Variants in RAI1 observed in about 807,000 individuals in gnomAD.
The protein encoded by RAI1 is retinoic acid-induced protein 1.
RAI1 carries 9 observed loss-of-function variants against 123.8 expected under a neutral mutation model. The ratio of observed to expected loss-of-function variants is 0.07; its 90% CI spans 0.04 to 0.13. The LOEUF (loss-of-function observed/expected upper bound fraction) is 0.13, where lower values mean the gene tolerates loss of function less well. Among genes scored for constraint, RAI1 ranks in the 10% least tolerant of loss-of-function variants. The pLI is 1.00. For missense variants in RAI1, 2,256 were observed against 2,545.8 expected, an observed-to-expected ratio of 0.89 and a Z score of 2.45; for synonymous variants, 1,231 against 1,127.3, an observed-to-expected ratio of 1.09 and a Z score of -1.84.
intron 1 of RAI1, among the ~76,000 whole-genome samples, chr17:17,687,575 T>C (rs1276395022): frequency 1.3e-5 from 2 of 151,984 alleles, no homozygotes; most frequent in African/African-American, 2.4e-5. Flanking sequence ...ACTGTGCTCA[T>C]CTGGAAGGCG....
chr17:17,785,041 A>G (rs1437584527), intron 2 of RAI1, among the ~76,000 whole-genome samples: 1 of 151,898 alleles, frequency 6.6e-6, no homozygotes, highest in African/African-American at 2.4e-5. Context: ...ACATCTCAAC[A>G]CCACCAGGGC....
intron 2 of RAI1, among the ~76,000 whole-genome samples, chr17:17,766,827 G>A (rs1433217359): frequency 6.6e-6 from 1 of 152,244 alleles, no homozygotes; most frequent in Non-Finnish European, 1.5e-5. Flanking sequence ...CTGTCTCTGA[G>A]GCCTGGGAGA....
Position 17,792,944 on chromosome 17 carries a change from G to A in RAI1, c.-5G>A, listed in dbSNP as rs369143324. ...TTTTCTTTTCACAGATAACCAGCCC[G>A]AGTCATGCAGTCTTTTCGAGAAAGG... is the stretch of plus-strand genomic sequence containing the variant. On this transcript the variant is annotated 5_prime_UTR_variant, in exon 3 of 6. Transcript: ENST00000353383. 4 of 1,152,128 alleles carry A rather than the reference G, an allele frequency of 3.5e-6. No individual in the cohort carries two copies. The highest frequency in any genetic ancestry group is 5.3e-5 in the East Asian group (1 of 18,930). The allele number at this position is 1,152,128 out of a possible 1,614,324, so 71.4% of individuals were successfully genotyped here.
intron 2 of RAI1, among the ~76,000 whole-genome samples, chr17:17,772,059 G>A (rs1270811943): frequency 1.3e-5 from 2 of 152,182 alleles, no homozygotes; most frequent in African/African-American, 4.8e-5. Flanking sequence ...TCACCTAAGG[G>A]TATTGACCCT....
At chr17:17,732,913 C>G (rs1476105201) in intron 2 of RAI1, among the ~76,000 whole-genome samples, 2 of 152,206 alleles carry the variant, frequency 1.3e-5, no homozygotes, top group African/African-American at 4.8e-5. Flanking sequence ...TGTCCTCTGG[C>G]AATGCCCCCA....
At chr17:17,691,529 G>A (rs1914836583) in intron 1 of RAI1, among the ~76,000 whole-genome samples, 1 of 152,252 alleles carries the variant, frequency 6.6e-6, no homozygotes, top group Non-Finnish European at 1.5e-5. Context: ...TTTTAAGGGA[G>A]GGCCTTTGGG....
intron 3 of RAI1, chr17:17,802,075 C>T (rs1443220890): frequency 2.1e-6 from 1 of 471,008 alleles, no homozygotes; most frequent in Admixed American, 2.3e-5. Flanking sequence ...CTGGTGACTT[C>T]TCCCTCCCCG....
At position 17,798,632 on chromosome 17, in the gene RAI1, G is replaced by A. The variant is rs775662089; in HGVS notation, c.5565+119G>A. The A allele has an allele frequency of 2.0e-5, 29 of 1,486,568 alleles. No individual in the cohort carries two copies. The South Asian group carries it at 2.4e-4, about 12-fold the overall frequency. 92.1% of individuals were successfully genotyped at this position (1,486,568 alleles called of 1,614,324 possible). A position where few individuals can be genotyped will look rare whatever the true frequency, so the allele number is the denominator to read the frequency against. ...GTGGGCCAAATGTGTCTGCAGTCTC[G>A]GGACAATCTGCAGAGTCCTGAGCCT... On this transcript the variant is annotated intron_variant, in intron 3 of 5. Coordinates refer to ENST00000353383, the MANE Select transcript of RAI1 (RefSeq NM_030665.4).
Position 17,809,826 on chromosome 17 carries a change from G to A in RAI1, c.5710-144G>A. ...ACGGGGTGGGGCCAGAAGGGGTGGTGCCGACGGCCTCGGGCGGAGACCCCA... is the reference window on the plus strand; with the variant it reads ...ACGGGGTGGGGCCAGAAGGGGTGGTACCGACGGCCTCGGGCGGAGACCCCA... On this transcript the variant is annotated intron_variant, in intron 5 of 5. Transcript: ENST00000353383. The surrounding 1 kb of genome is among the most constrained non-coding windows in gnomAD (Gnocchi z 4.9). The A allele has an allele frequency of 1.8e-6, 2 of 1,123,554 alleles. No individual in the cohort carries two copies. The highest frequency in any genetic ancestry group is 2.6e-6 in the Non-Finnish European group (2 of 775,370). The allele number at this position is 1,123,554 out of a possible 1,614,324, so 69.6% of individuals were successfully genotyped here. A position where few individuals can be genotyped will look rare whatever the true frequency, so the allele number is the denominator to read the frequency against.
intron 1 of RAI1, among the ~76,000 whole-genome samples, chr17:17,706,797 CAG>C (rs1915409641): frequency 2.0e-5 from 3 of 152,048 alleles, no homozygotes; most frequent in African/African-American, 4.8e-5. Context: ...TGTGTGGGCT[CAG>C]GGGAAAAAAA....
chr17:17,792,441 G>A (rs997465958), intron 2 of RAI1, among the ~76,000 whole-genome samples: 6 of 152,136 alleles, frequency 3.9e-5, no homozygotes, highest in Non-Finnish European at 7.3e-5. Flanking sequence ...GAACACGGTC[G>A]CGAAGGGACT....
intron 2 of RAI1, among the ~76,000 whole-genome samples, chr17:17,739,643 C>T (rs1258338481): frequency 1.3e-5 from 2 of 152,226 alleles, no homozygotes; most frequent in Non-Finnish European, 2.9e-5. Context: ...CATTCCAGCA[C>T]CTGCCTGCTT....
intron 1 of RAI1, among the ~76,000 whole-genome samples, chr17:17,682,008 G>A (rs1914436205): frequency 6.6e-6 from 1 of 150,982 alleles, no homozygotes; most frequent in Non-Finnish European, 1.5e-5. Context: ...GGGAGCTGCA[G>A]GGTGGGGGCG....
intron 1 of RAI1, among the ~76,000 whole-genome samples, chr17:17,707,236 G>T (rs141473903): frequency 5.5e-4 from 84 of 152,308 alleles, no homozygotes; most frequent in African/African-American, 2.0e-3. Flanking sequence ...CTTGAGCCCC[G>T]GAGTTTGAAT....
chr17:17,795,148 G>C lies in RAI1; in HGVS notation c.2200G>C (p.Ala734Pro), dbSNP rs780371904. 6.2e-7 allele frequency: 1 copy of C among 1,613,866 alleles called. No individual in the cohort carries two copies. The highest frequency in any genetic ancestry group is 2.2e-5 in the East Asian group (1 of 44,888). The part of the protein sequence containing the change: ...AAFDCFPDTT[A>P]ASSADSANPF... ...TTTTGACTGTTTCCCGGACACAACC[G>C]CTGCCAGCTCAGCGGACAGCGCCAA... The change falls in exon 3 of 6, where the codon GCT becomes CCT. Residue 734 changes from alanine (A) to proline (P), a missense_variant. Ala to Pro is a conservative substitution (Grantham distance 27). Around this residue, in one of 7 missense-constraint regions of RAI1, gnomAD observed 566 missense variants for 616.0 expected, o/e 0.92. Transcript: ENST00000353383. This position sits in a 1 kb window ranked among gnomAD's most constrained non-coding sequence, Gnocchi z 5.9.
intron 1 of RAI1, among the ~76,000 whole-genome samples, chr17:17,700,236 C>T (rs944277786): frequency 6.6e-6 from 1 of 152,214 alleles, no homozygotes; most frequent in Non-Finnish European, 1.5e-5. Context: ...AAGACCTATT[C>T]TTGGGGCCTG....
chr17:17,756,571 A>C (rs1030546905), intron 2 of RAI1, among the ~76,000 whole-genome samples: 2 of 151,826 alleles, frequency 1.3e-5, no homozygotes, highest in Non-Finnish European at 2.9e-5. Context: ...CTTCACCTTT[A>C]CCTCCCTTAC....
At chr17:17,707,693 A>G (rs1915435754) in intron 1 of RAI1, among the ~76,000 whole-genome samples, 1 of 152,172 alleles carries the variant, frequency 6.6e-6, no homozygotes, top group Middle Eastern at 3.2e-3. Flanking sequence ...CCCAGGCTCT[A>G]GTGGTCCTCC....
At chr17:17,692,303 G>T (rs1008098028) in intron 1 of RAI1, among the ~76,000 whole-genome samples, 2 of 152,224 alleles carry the variant, frequency 1.3e-5, no homozygotes, top group African/African-American at 4.8e-5. Flanking sequence ...GGCCAACTGA[G>T]TGAAAGCATT....
Sources: allele counts gnomAD v4.1 joint callset (sites outside exome capture counted in the v4.1 genomes callset), GRCh38; gene constraint gnomAD v4.1.1; regional missense constraint gnomAD v4.1.1; non-coding constraint Gnocchi (gnomAD v3.1); transcripts MANE v1.5; gene names NCBI Gene and HGNC (gene_info 2026-07-23, HGNC 2026-07-21).